Variants in XRN1 observed in about 807,000 individuals in gnomAD.
XRN1 encodes strand-exchange protein 1 homolog.
A neutral mutation model predicts 222.3 loss-of-function variants in XRN1; 67 were observed. The observed-to-expected ratio is 0.30, with a 90% confidence interval of 0.25 to 0.37. The LOEUF is 0.37. XRN1 is among the 10% of genes least tolerant of loss of function. The probability of loss-of-function intolerance (pLI) is 1.00; values close to 1 mark genes in which losing one functional copy is unlikely to be tolerated. For missense variants in XRN1, 1,707 were observed against 2,000.2 expected, an observed-to-expected ratio of 0.85 and a Z score of 2.80; for synonymous variants, 643 against 652.4, an observed-to-expected ratio of 0.99 and a Z score of 0.22.
chr3:142,410,166 C>T (rs13082648), intron 15 of XRN1, among the ~76,000 whole-genome samples: 57,620 of 152,064 alleles, frequency 0.38, 10,966 homozygotes, highest in Middle Eastern at 0.47. Flanking sequence ...TTAGAATGGA[C>T]ATCTTGTCCT....
At chr3:142,333,180 A>G (rs762967632) in intron 34 of XRN1, 91 bp from the exon 35 acceptor site, 151 of 1,369,960 alleles carry the variant, frequency 1.1e-4, no homozygotes, top group Non-Finnish European at 1.4e-4. Context: ...TGGTCATTCG[A>G]TTTTCACTCA....
intron 1 of XRN1, among the ~76,000 whole-genome samples, chr3:142,439,170 A>G (rs2070076421): frequency 6.6e-6 from 1 of 152,212 alleles, no homozygotes; most frequent in Non-Finnish European, 1.5e-5. Flanking sequence ...GGGTTAGGAC[A>G]ATCCTTTGAT....
At chr3:142,352,092 AACTGG>A (rs2066325903) in intron 32 of XRN1, among the ~76,000 whole-genome samples, 1 of 152,180 alleles carries the variant, frequency 6.6e-6, no homozygotes, top group East Asian at 1.9e-4. Flanking sequence ...CAGTTCCTGC[AACTGG>A]ACTTTAGATC....
In XRN1 at chr3:142,347,216, T is replaced by C; in HGVS notation, c.3877+18A>G. The C allele has an allele frequency of 6.5e-7, 1 of 1,532,428 alleles. No individual in the cohort carries two copies. Among genetic ancestry groups the C allele is most frequent in the Non-Finnish European group, 9.0e-7 (1 of 1,111,626 alleles). 94.9% of individuals were successfully genotyped at this position (1,532,428 alleles called of 1,614,324 possible). ...AGAAGCAGCACACACAAGTACACCT[T>C]TCTAATTTAAAACTTACATTTTCTG... On this transcript the variant is annotated intron_variant, in intron 33 of 40. Transcript: ENST00000392981.
At chr3:142,405,499 T>G (rs1230935494) in intron 15 of XRN1, among the ~76,000 whole-genome samples, 4 of 152,168 alleles carry the variant, frequency 2.6e-5, no homozygotes, top group African/African-American at 9.7e-5. Flanking sequence ...AGTCAGGACA[T>G]CAATGATTTA....
chr3:142,392,199 T>C (rs1238512493), intron 20 of XRN1, among the ~76,000 whole-genome samples: 1 of 152,162 alleles, frequency 6.6e-6, no homozygotes, highest in East Asian at 1.9e-4. Context: ...AGTAGAAAAC[T>C]ACCCTCCACT....
At chr3:142,408,304 G>A (rs966122562) in intron 15 of XRN1, among the ~76,000 whole-genome samples, 1 of 152,176 alleles carries the variant, frequency 6.6e-6, no homozygotes, top group Non-Finnish European at 1.5e-5. Context: ...TGCCATTGGC[G>A]CATCTGGCCT....
chr3:142,341,150 G>A (rs2065981418), intron 33 of XRN1, among the ~76,000 whole-genome samples: 1 of 152,096 alleles, frequency 6.6e-6, no homozygotes, highest in South Asian at 2.1e-4. Context: ...TTATTAAGCA[G>A]GAGGATGAAG....
Position 142,375,786 on chromosome 3 carries a change from T to C in XRN1, c.2978+12A>G. 6.2e-7 allele frequency: 1 copy of C among 1,607,956 alleles called. No individual in the cohort carries two copies. Among genetic ancestry groups the C allele is most frequent in the East Asian group, 2.2e-5 (1 of 44,564 alleles). ...TTTTGGAATGACTACTAGTATCTTATTATGTACTTACCTCTCTAAGTACTC... is the reference window on the plus strand; with the variant it reads ...TTTTGGAATGACTACTAGTATCTTACTATGTACTTACCTCTCTAAGTACTC... On this transcript the variant is annotated intron_variant, in intron 25 of 40. Coordinates refer to ENST00000392981, the MANE Select transcript of XRN1 (RefSeq NM_001282857.2).
At chr3:142,423,831 T>C (rs1183933866) in intron 5 of XRN1, among the ~76,000 whole-genome samples, 189 bp from the exon 6 acceptor site, 1 of 152,156 alleles carries the variant, frequency 6.6e-6, no homozygotes, top group Non-Finnish European at 1.5e-5. Context: ...CTAAGAAAAA[T>C]ATGTTCACCT....
At chr3:142,412,176 T>C (rs759764504) in intron 15 of XRN1, among the ~76,000 whole-genome samples, 30 of 152,346 alleles carry the variant, frequency 2.0e-4, no homozygotes, top group Middle Eastern at 3.4e-3. Flanking sequence ...GAGAAAAGTG[T>C]TGAAATTTCT....
chr3:142,329,925 T>C (rs2065644742), intron 36 of XRN1, among the ~76,000 whole-genome samples: 1 of 152,220 alleles, frequency 6.6e-6, no homozygotes, highest in African/African-American at 2.4e-5. Context: ...AGCCACCAAC[T>C]GCATTAAAAA....
At chr3:142,436,353 C>T (rs1476746460) in intron 1 of XRN1, among the ~76,000 whole-genome samples, 6 of 152,134 alleles carry the variant, frequency 3.9e-5, no homozygotes, top group Non-Finnish European at 8.8e-5. Flanking sequence ...TATGTATATT[C>T]ATTCTCTGAC....
At chr3:142,384,792 A>G in intron 20 of XRN1, 107 bp from the exon 21 acceptor site, 1 of 866,796 alleles carries the variant, frequency 1.2e-6, no homozygotes, top group Non-Finnish European at 1.7e-6. Context: ...CAAGTGTGTA[A>G]ATAAACTTTA....
At chr3:142,438,470 G>A (rs2108195472) in intron 1 of XRN1, among the ~76,000 whole-genome samples, 1 of 152,250 alleles carries the variant, frequency 6.6e-6, no homozygotes, top group East Asian at 1.9e-4. Flanking sequence ...TACGCACCCT[G>A]GAAAAGAATA....
intron 25 of XRN1, 133 bp from the exon 26 acceptor site, chr3:142,371,461 A>G: frequency 1.5e-6 from 1 of 669,854 alleles, no homozygotes; most frequent in Non-Finnish European, 2.4e-6. Context: ...AATAAGGGAT[A>G]TTATTAAAAG....
At chr3:142,324,158 C>CAT (rs1381526403) in intron 37 of XRN1, among the ~76,000 whole-genome samples, 3 of 150,596 alleles carry the variant, frequency 2.0e-5, no homozygotes, top group Non-Finnish European at 2.9e-5. Context: ...AGGTTTGTTA[C>CAT]ATATATATAC....
At chr3:142,390,105 C>T (rs572259424) in intron 20 of XRN1, among the ~76,000 whole-genome samples, 45 of 152,294 alleles carry the variant, frequency 3.0e-4, no homozygotes, top group African/African-American at 6.5e-4. Flanking sequence ...ATTCAGACTT[C>T]GCTGTTCCAT....
At chr3:142,380,044 TCAATTCTAAATGAAA>T (rs2067255751) in intron 23 of XRN1, 23 bp downstream of exon 23, 2 of 1,521,236 alleles carry the variant, frequency 1.3e-6, no homozygotes, top group Admixed American at 3.9e-5. Context: ...TAAAAGTTTA[TCAATTCTAAATGAAA>T]CAATACAAAC....
Sources: allele counts gnomAD v4.1 joint callset (sites outside exome capture counted in the v4.1 genomes callset), GRCh38; gene constraint gnomAD v4.1.1; transcripts MANE v1.5; gene names NCBI Gene and HGNC (gene_info 2026-07-23, HGNC 2026-07-21).